Variants in CACNA1E observed in about 807,000 individuals in gnomAD.
The protein encoded by CACNA1E is calcium voltage-gated channel subunit alpha1 E.
Under a neutral mutation model 259.2 loss-of-function variants are expected in CACNA1E, and 40 were observed. That is an observed-to-expected ratio of 0.15 (90% CI 0.12 to 0.20). CACNA1E has a LOEUF of 0.20. CACNA1E is among the 10% of genes least tolerant of loss of function. The pLI, the probability that CACNA1E is intolerant of heterozygous loss-of-function variation, is 1.00. For missense variants in CACNA1E, 1,874 were observed against 3,040.1 expected (o/e 0.62, Z 9.02); for synonymous variants, 1,104 against 1,138.5 (o/e 0.97, Z 0.61).
At chr1:181,420,919 G>A (rs72729381) in intron 2 of CACNA1E, among the ~76,000 whole-genome samples, 13,077 of 152,236 alleles carry the variant, frequency 0.086, 727 homozygotes, top group South Asian at 0.17. Context: ...AAGCAGAGAA[G>A]TCTGTCTGCT....
intron 38 of CACNA1E, among the ~76,000 whole-genome samples, chr1:181,777,440 G>A (rs577931079): frequency 6.6e-6 from 1 of 152,346 alleles, no homozygotes; most frequent in African/African-American, 2.4e-5. Flanking sequence ...GACTAGAAGG[G>A]TGAATCAGAA....
At chr1:181,328,047 CAGA>C (rs1403900218) in intron 1 of CACNA1E, among the ~76,000 whole-genome samples, 1 of 152,170 alleles carries the variant, frequency 6.6e-6, no homozygotes, top group African/African-American at 2.4e-5. Context: ...CACATAGTTG[CAGA>C]AGGTTTCAGA....
At chr1:181,382,582 T>C (rs1488105368) in intron 1 of CACNA1E, among the ~76,000 whole-genome samples, 2 of 152,122 alleles carry the variant, frequency 1.3e-5, no homozygotes, top group South Asian at 2.1e-4. Context: ...ACCAAATCAT[T>C]TGGGCCTTGA....
intron 1 of CACNA1E, among the ~76,000 whole-genome samples, chr1:181,499,747 C>T (rs1223137087): frequency 1.3e-5 from 2 of 152,214 alleles, no homozygotes; most frequent in Admixed American, 6.5e-5. Context: ...GGAGATAGGA[C>T]CCCTGTATTC....
intron 2 of CACNA1E, among the ~76,000 whole-genome samples, chr1:181,461,472 C>A (rs981162224): frequency 7.1e-6 from 1 of 140,604 alleles, no homozygotes; most frequent in Admixed American, 7.8e-5. Flanking sequence ...ACTTGGGAGG[C>A]GGAGCTTGCA....
At chr1:181,633,121 G>C (rs1437822336) in intron 6 of CACNA1E, among the ~76,000 whole-genome samples, 2 of 152,090 alleles carry the variant, frequency 1.3e-5, no homozygotes, top group Non-Finnish European at 2.9e-5. Context: ...AAAAGCCAAA[G>C]TTCAACAGAG....
At chr1:181,536,325 C>G (rs977898526) in intron 3 of CACNA1E, among the ~76,000 whole-genome samples, 1 of 151,742 alleles carries the variant, frequency 6.6e-6, no homozygotes, top group African/African-American at 2.4e-5. Context: ...TCATCTTTTT[C>G]TTACTCTTGT....
chr1:181,345,482 G>A (rs1197720276), intron 1 of CACNA1E, among the ~76,000 whole-genome samples: 1 of 152,176 alleles, frequency 6.6e-6, no homozygotes, highest in African/African-American at 2.4e-5. Context: ...AGTGGCTACC[G>A]AGAAGGCTCT....
chr1:181,721,658 G>A (rs891019558), intron 15 of CACNA1E, 100 bp from the exon 16 acceptor site: 22 of 613,932 alleles, frequency 3.6e-5, no homozygotes, highest in Admixed American at 9.7e-5. Flanking sequence ...AAGCAAGGGG[G>A]TAGATGCAAA....
intron 7 of CACNA1E, among the ~76,000 whole-genome samples, chr1:181,692,576 A>G (rs951404742): frequency 6.6e-6 from 1 of 152,130 alleles, no homozygotes; most frequent in African/African-American, 2.4e-5. Context: ...TCAATAAACA[A>G]TGCTGGGATA....
chr1:181,521,045 G>A (rs754309965), intron 3 of CACNA1E, among the ~76,000 whole-genome samples: 1 of 152,198 alleles, frequency 6.6e-6, no homozygotes, highest in Non-Finnish European at 1.5e-5. Flanking sequence ...CTTCCCTCTT[G>A]TCTTTCATTT....
At chr1:181,478,303 T>A (rs1662996736) in intron 2 of CACNA1E, among the ~76,000 whole-genome samples, 3 of 152,222 alleles carry the variant, frequency 2.0e-5, no homozygotes, top group Non-Finnish European at 4.4e-5. Flanking sequence ...GTGGGGCTTC[T>A]CAGGCTTAGG....
intron 25 of CACNA1E, among the ~76,000 whole-genome samples, chr1:181,746,585 T>A (rs571879422): frequency 6.6e-6 from 1 of 152,234 alleles, no homozygotes; most frequent in South Asian, 2.1e-4. Flanking sequence ...GATCCTTCTG[T>A]CTCTACCTGG....
At chr1:181,648,745 T>G (rs1196970022) in intron 6 of CACNA1E, among the ~76,000 whole-genome samples, 1 of 152,230 alleles carries the variant, frequency 6.6e-6, no homozygotes, top group East Asian at 1.9e-4. Flanking sequence ...ACCCTCAAAC[T>G]GTAGCTCAAT....
chr1:181,645,890 G>A (rs1054129845), intron 6 of CACNA1E, among the ~76,000 whole-genome samples: 6 of 152,226 alleles, frequency 3.9e-5, no homozygotes, highest in Non-Finnish European at 8.8e-5. Context: ...CAAGTCCCTC[G>A]GGGTGGGACA....
At chr1:181,391,883 TTCTCTCTGTCTCTGTCTC>T (rs1231755412) in intron 1 of CACNA1E, among the ~76,000 whole-genome samples, 6 of 151,944 alleles carry the variant, frequency 3.9e-5, no homozygotes, top group Non-Finnish European at 8.8e-5. Flanking sequence ...ACTCCAGATC[TTCTCTCTGTCTCTGTCTC>T]TCTCTCTGTC....
chr1:181,684,993 T>C (rs1650370124), intron 7 of CACNA1E, among the ~76,000 whole-genome samples: 2 of 151,478 alleles, frequency 1.3e-5, no homozygotes, highest in Admixed American at 6.6e-5. Context: ...GGGGGCTTAA[T>C]ATATTGTAAA....
At chr1:181,708,646 A>G (rs1287165947) in intron 7 of CACNA1E, among the ~76,000 whole-genome samples, 4 of 152,216 alleles carry the variant, frequency 2.6e-5, no homozygotes, top group Non-Finnish European at 5.9e-5. Flanking sequence ...GGCTAGGCAA[A>G]TATGTGGTGC....
chr1:181,358,134 C>G (rs184087624), intron 1 of CACNA1E, among the ~76,000 whole-genome samples: 1 of 152,244 alleles, frequency 6.6e-6, no homozygotes, highest in Admixed American at 6.5e-5. Context: ...CCCAAACACA[C>G]CAGGCCGGGT....
Sources: gnomAD v4.1 joint callset for allele counts (sites outside exome capture counted in the v4.1 genomes callset) on GRCh38, gnomAD v4.1.1 for gene constraint, MANE v1.5 for transcripts, NCBI Gene and HGNC (gene_info 2026-07-23, HGNC 2026-07-21) for gene names.